The following LOXHD1 variants were observed in gnomAD, a reference collection of about 807,000 sequenced individuals.
The protein encoded by LOXHD1 is lipoxygenase homology PLAT domains 1.
LOXHD1 carries 205 observed loss-of-function variants against 248.2 expected under a neutral mutation model. The observed-to-expected ratio is 0.83, with a 90% confidence interval of 0.74 to 0.93. The LOEUF is 0.93. Ranked by LOEUF, LOXHD1 falls within the 40% of genes least tolerant of loss-of-function variation. The probability of loss-of-function intolerance (pLI) is 0.00; values close to 1 mark genes in which losing one functional copy is unlikely to be tolerated. For synonymous variants in LOXHD1, 1,113 were observed against 1,162.8 expected (o/e 0.96, Z 0.87); for missense variants, 2,930 against 2,971.6 (o/e 0.99, Z 0.33).
chr18:46,646,834 C>T (rs2039036982), intron 2 of LOXHD1, among the ~76,000 whole-genome samples: 1 of 152,210 alleles, frequency 6.6e-6, no homozygotes, highest in African/African-American at 2.4e-5. Flanking sequence ...ATACCACTGG[C>T]CTTTGCCGAG....
At chr18:46,480,372 G>A (rs2032459665) in intron 40 of LOXHD1, among the ~76,000 whole-genome samples, 1 of 152,108 alleles carries the variant, frequency 6.6e-6, no homozygotes, top group African/African-American at 2.4e-5. Context: ...ATATGGGGAT[G>A]TCAGTGTTCC....
chr18:46,548,884 G>A (rs1230189085), intron 21 of LOXHD1, among the ~76,000 whole-genome samples: 1 of 152,184 alleles, frequency 6.6e-6, no homozygotes, highest in African/African-American at 2.4e-5. Flanking sequence ...AATCTCCATT[G>A]TCCTTGAGAT....
In LOXHD1 at chr18:46,557,470, T is replaced by C. The variant is rs367863703; in HGVS notation, c.3236A>G (p.Tyr1079Cys). The change falls in exon 21 of 41, where the codon TAT (tyrosine) becomes TGT (cysteine). Residue 1079 changes from tyrosine (Y) to cysteine (C), a missense_variant. Coordinates refer to ENST00000642948, the MANE Select transcript of LOXHD1 (RefSeq NM_001384474.1). ...EQGQTDTFTI[Y>C]AIDLGALTKI... ...GGTCAGGGCCCCCAGGTCAATGGCA[T>C]AGATGGTGAAGGTGTCTGTCTGGGA... The C allele has an allele frequency of 1.7e-4, 271 of 1,551,804 alleles. No homozygotes were observed. Among genetic ancestry groups the C allele is most frequent in the Non-Finnish European group, 2.2e-4 (256 of 1,147,070 alleles).
chr18:46,560,089 G>T lies in LOXHD1; in HGVS notation c.3055C>A (p.Pro1019Thr), dbSNP rs2037484291. The T allele has an allele frequency of 7.8e-7, 1 of 1,278,128 alleles. No homozygotes were observed. Among genetic ancestry groups the T allele is most frequent in the Non-Finnish European group, 1.0e-6 (1 of 954,304 alleles). The allele number at this position is 1,278,128 out of a possible 1,614,324, so 79.2% of individuals were successfully genotyped here. A position where few individuals can be genotyped will look rare whatever the true frequency, so the allele number is the denominator to read the frequency against. Residue 1019 changes from proline (P) to threonine (T), a missense_variant, in exon 19 of 41, where the codon CCT becomes ACT. By Grantham distance (38) the Pro-to-Thr change is conservative. Coordinates refer to ENST00000642948, the MANE Select transcript of LOXHD1 (RefSeq NM_001384474.1). ...CCCCCCACGACCCACTTACGCTCAG[G>T]ACCCGGCTTGCCAGCTGGCACCAAC... is the stretch of plus-strand genomic sequence containing the variant. ...VELVPAGKPG[P>T]ERNTYEVQVV... is the part of the protein sequence containing the mutation.
chr18:46,632,665 A>T (rs1486239281), intron 4 of LOXHD1, among the ~76,000 whole-genome samples: 5 of 152,090 alleles, frequency 3.3e-5, no homozygotes, highest in Admixed American at 3.3e-4. Context: ...AGGAGGGAAA[A>T]TTCACTACAC....
chr18:46,649,434 T>C (rs2039079366), intron 1 of LOXHD1, among the ~76,000 whole-genome samples, 165 bp from the exon 2 acceptor site: 1 of 152,172 alleles, frequency 6.6e-6, no homozygotes. Flanking sequence ...CCACGATATG[T>C]CCTGCTGCAA....
At chr18:46,595,072 T>TAACTTGAAAACTAATCTTTTC (rs1305391655) in intron 8 of LOXHD1, among the ~76,000 whole-genome samples, 14 of 152,356 alleles carry the variant, frequency 9.2e-5, no homozygotes, top group African/African-American at 3.4e-4. Flanking sequence ...TTTACTTTCT[T>TAACTTGAAAACTAATCTTTTC]AACTTGAAAA....
chr18:46,617,472 T>C (rs1378637424), intron 5 of LOXHD1, among the ~76,000 whole-genome samples: 4 of 152,146 alleles, frequency 2.6e-5, no homozygotes, highest in African/African-American at 7.2e-5. Context: ...CCACCACATC[T>C]ATTCATAGTT....
At chr18:46,497,717 C>T in intron 37 of LOXHD1, among the ~76,000 whole-genome samples, 1 of 152,164 alleles carries the variant, frequency 6.6e-6, no homozygotes, top group East Asian at 1.9e-4. Flanking sequence ...AGGGAAAGAA[C>T]ATGAACAAGA....
chr18:46,559,558 C>T lies in LOXHD1; in HGVS notation c.3106G>A (p.Ala1036Thr). Residue 1036 changes from alanine to threonine, a missense_variant, in exon 20 of 41, where the codon GCC becomes ACC. Transcript: ENST00000642948. Reference sequence around the variant, plus strand: ...AGGTAGACGTTAGCATCAGTGCCGGCCTTGGGCACATTCCCCGTGACCACC... The same window carrying T: ...AGGTAGACGTTAGCATCAGTGCCGGTCTTGGGCACATTCCCCGTGACCACC... Reference protein sequence around the residue: ...VQVVTGNVPKAGTDANVYLTI... With the variant: ...VQVVTGNVPKTGTDANVYLTI... 6.4e-7 allele frequency: 1 copy of T among 1,551,892 alleles called. No homozygotes were observed. The highest frequency in any genetic ancestry group is 8.7e-7 in the Non-Finnish European group (1 of 1,147,016).
intron 37 of LOXHD1, among the ~76,000 whole-genome samples, chr18:46,498,349 T>C (rs760573769): frequency 7.2e-5 from 11 of 152,230 alleles, no homozygotes; most frequent in Admixed American, 2.0e-4. Flanking sequence ...ACTGTTTATA[T>C]TGAGACCCTA....
chr18:46,507,626 C>T lies in LOXHD1; in HGVS notation c.5604G>A (p.Leu1868=), dbSNP rs781187463. The T allele has an allele frequency of 6.4e-7, 1 of 1,551,740 alleles. No individual in the cohort carries two copies. The highest frequency in any genetic ancestry group is 8.7e-7 in the Non-Finnish European group (1 of 1,146,996). The stretch of plus-strand genomic sequence containing the variant: ...CGATAACGGCACACATTTCACACAC[C>T]AGGGTCTTCTTGCCCTTCCGCTGGG... ...WLSQRKGKKT[L]VCEMCAVIDE... The change falls in exon 36 of 41, where the codon CTG becomes CTA. Residue 1868 remains leucine (L), a synonymous_variant. Transcript: ENST00000642948.
intron 33 of LOXHD1, 40 bp from the exon 34 acceptor site, chr18:46,518,296 C>T (rs1229627210): frequency 1.3e-6 from 2 of 1,543,816 alleles, no homozygotes; most frequent in African/African-American, 1.4e-5. Flanking sequence ...CTCAGCCTCA[C>T]CCTCCAACCC....
intron 39 of LOXHD1, among the ~76,000 whole-genome samples, chr18:46,484,429 C>T (rs1307554036): frequency 6.6e-6 from 1 of 152,096 alleles, no homozygotes; most frequent in African/African-American, 2.4e-5. Context: ...CCCTGGAGAG[C>T]TCCCTCCGCC....
Position 46,483,592 on chromosome 18 carries a change from G to T in LOXHD1, c.6336C>A (p.Gly2112=). The change falls in exon 40 of 41, where the codon GGC becomes GGA. Residue 2112 remains glycine, a synonymous_variant. Coordinates refer to ENST00000642948, the MANE Select transcript of LOXHD1 (RefSeq NM_001384474.1). ...GGGAGAGGCTCAGTACATACACATT[G>T]CCGTACTCCATCTCGGTGATGGTGA... ...KTITITEMEY[G]NVYFFNCDCL... is the part of the protein sequence containing the mutation. 1 of 1,551,516 alleles carries T rather than the reference G, an allele frequency of 6.4e-7. No homozygotes were observed. Among genetic ancestry groups the T allele is most frequent in the East Asian group, 2.4e-5 (1 of 40,906 alleles).
At chr18:46,536,988 G>A (rs376573602) in intron 26 of LOXHD1, among the ~76,000 whole-genome samples, 104 of 152,248 alleles carry the variant, frequency 6.8e-4, no homozygotes, top group African/African-American at 2.4e-3. Context: ...ATCTATCCAA[G>A]TTACATCACA....
At chr18:46,494,362 A>G (rs929562033) in intron 37 of LOXHD1, among the ~76,000 whole-genome samples, 4 of 152,154 alleles carry the variant, frequency 2.6e-5, no homozygotes, top group Admixed American at 2.6e-4. Flanking sequence ...TCCAGCACAA[A>G]CCACTAAAAA....
chr18:46,501,254 C>G (rs1471984436), intron 37 of LOXHD1, among the ~76,000 whole-genome samples: 1 of 152,212 alleles, frequency 6.6e-6, no homozygotes, highest in Non-Finnish European at 1.5e-5. Flanking sequence ...TTTTAGTTGC[C>G]AAATGCCATG....
intron 26 of LOXHD1, among the ~76,000 whole-genome samples, chr18:46,537,225 G>C (rs1381416436): frequency 1.3e-5 from 2 of 152,182 alleles, no homozygotes; most frequent in Non-Finnish European, 2.9e-5. Flanking sequence ...CTAACTAAGA[G>C]TGCATATTCC....
Sources: allele counts gnomAD v4.1 joint callset (sites outside exome capture counted in the v4.1 genomes callset), GRCh38; gene constraint gnomAD v4.1.1; transcripts MANE v1.5; gene names NCBI Gene and HGNC (gene_info 2026-07-23, HGNC 2026-07-21).